Variants in PCDHA1 observed in about 807,000 individuals in gnomAD.
PCDHA1 encodes the protein protocadherin alpha 1, also known as protocadherin alpha-1.
PCDHA1 carries 42 observed loss-of-function variants against 61.3 expected under a neutral mutation model. The ratio of observed to expected loss-of-function variants is 0.69; its 90% confidence interval spans 0.54 to 0.89. The LOEUF (loss-of-function observed/expected upper bound fraction) is 0.89, where lower values mean the gene tolerates loss of function less well. Among genes scored for constraint, PCDHA1 ranks in the 40% least tolerant of loss-of-function variants. PCDHA1 has a pLI of 0.00. For synonymous variants in PCDHA1, 610 were observed against 553.8 expected (o/e 1.10, Z -1.43); for missense variants, 1,256 against 1,235.3 (o/e 1.02, Z -0.25).
rs151299460 is a variant in PCDHA1, at chr5:140,849,914, C to T, written c.2394+61230C>T. On this transcript the variant is annotated intron_variant, in intron 1 of 3. Coordinates refer to ENST00000504120, the MANE Select transcript of PCDHA1 (RefSeq NM_018900.4). ...AGGAGAACAACCCGCCGGGCTGCCA[C>T]ATCTTCACGGTGTCTGCGCGGGACG... is the stretch of plus-strand genomic sequence containing the variant. 4.8e-4 allele frequency: 771 copies of T among 1,598,354 alleles called. 44 individuals are homozygous for T. The African/African-American group carries it at 9.1e-3, about 19-fold the overall frequency.
chr5:140,941,199 C>CTT (rs879983584), intron 1 of PCDHA1, among the ~76,000 whole-genome samples: 22 of 115,972 alleles, frequency 1.9e-4, no homozygotes, highest in African/African-American at 6.6e-4. Context: ...TTTTTTCTTT[C>CTT]TTCCTTTCTT....
chr5:141,003,511 C>T (rs2098128112), intron 3 of PCDHA1, among the ~76,000 whole-genome samples: 2 of 152,114 alleles, frequency 1.3e-5, no homozygotes, highest in African/African-American at 4.8e-5. Flanking sequence ...TGGGGTTTCA[C>T]CATGTTCCCT....
intron 1 of PCDHA1, chr5:140,843,306 C>A: frequency 6.3e-7 from 1 of 1,596,008 alleles, no homozygotes; most frequent in Non-Finnish European, 8.6e-7. Flanking sequence ...CTGACCGCCA[C>A]GGCCACGGTT....
intron 1 of PCDHA1, chr5:140,829,262 C>T (rs1770191839): frequency 6.2e-7 from 1 of 1,614,142 alleles, no homozygotes; most frequent in Non-Finnish European, 8.5e-7. Context: ...CTCGCTGACG[C>T]CTCACGTCCC....
At chr5:140,973,398 C>G (rs2096585734) in intron 1 of PCDHA1, among the ~76,000 whole-genome samples, 1 of 152,230 alleles carries the variant, frequency 6.6e-6, no homozygotes, top group East Asian at 1.9e-4. Flanking sequence ...GAAATCATAT[C>G]TATGAGCTTC....
At chr5:140,876,042 AT>A in intron 1 of PCDHA1, 1 of 1,613,902 alleles carries the variant, frequency 6.2e-7, no homozygotes, top group Non-Finnish European at 8.5e-7. Flanking sequence ...ATAAAAGTAT[AT>A]TGCCTGAATT....
intron 1 of PCDHA1, chr5:140,850,352 C>A: frequency 6.3e-7 from 1 of 1,597,824 alleles, no homozygotes; most frequent in Non-Finnish European, 8.6e-7. Context: ...CCAGCGCGAG[C>A]ATCCCGTTCC....
At chr5:140,808,312 C>T (rs1330097082) in intron 1 of PCDHA1, 1 of 1,614,124 alleles carries the variant, frequency 6.2e-7, no homozygotes, top group East Asian at 2.2e-5. Flanking sequence ...TCAGCGTGTC[C>T]GACAAAGACA....
chr5:140,876,834 G>C (rs1481867678), intron 1 of PCDHA1: 2 of 1,614,042 alleles, frequency 1.2e-6, no homozygotes, highest in Non-Finnish European at 1.7e-6. Context: ...ATGCGCCTGC[G>C]TTCGCGCAGC....
At chr5:140,886,155 T>A (rs528104847) in intron 1 of PCDHA1, among the ~76,000 whole-genome samples, 1 of 152,330 alleles carries the variant, frequency 6.6e-6, no homozygotes, top group South Asian at 2.1e-4. Flanking sequence ...CACCTTTTTA[T>A]AGCCACATCT....
At chr5:140,966,356 C>G (rs1300973653) in intron 1 of PCDHA1, 2 of 400,342 alleles carry the variant, frequency 5.0e-6, no homozygotes, top group Non-Finnish European at 8.8e-6. Flanking sequence ...GGAGATGGGG[C>G]TGGAGAGGCT....
chr5:140,821,857 G>A, intron 1 of PCDHA1: 1 of 1,614,186 alleles, frequency 6.2e-7, no homozygotes, highest in South Asian at 1.1e-5. Context: ...GGCAGGGAGC[G>A]GCCAGCTCCA....
Position 140,882,398 on chromosome 5 carries a change from T to C in PCDHA1, c.2394+93714T>C, listed in dbSNP as rs782596260. The C allele has an allele frequency of 5.6e-6, 9 of 1,614,040 alleles. No individual in the cohort carries two copies. In the African/African-American group the frequency reaches 9.3e-5, roughly 17 times the overall value. On this transcript the variant is annotated intron_variant, in intron 1 of 3. Coordinates refer to ENST00000504120, the MANE Select transcript of PCDHA1 (RefSeq NM_018900.4). ...CCCCGAGGAAGCAAAACACGGCACCTTCGTGGGCCGCATCGCTCAGGACCT... is the reference window on the plus strand; with the variant it reads ...CCCCGAGGAAGCAAAACACGGCACCCTCGTGGGCCGCATCGCTCAGGACCT...
intron 1 of PCDHA1, chr5:140,823,708 C>T (rs1430700090): frequency 1.5e-5 from 25 of 1,613,828 alleles, no homozygotes; most frequent in Non-Finnish European, 2.0e-5. Flanking sequence ...ACCGCGCCAC[C>T]GCCTTCTGGT....
At chr5:140,966,631 G>A in intron 1 of PCDHA1, 1 of 995,532 alleles carries the variant, frequency 1.0e-6, no homozygotes, top group Non-Finnish European at 1.4e-6. Flanking sequence ...AGCGGCCCCA[G>A]GCGCTTTCTA....
At chr5:140,938,055 T>C (rs1475337267) in intron 1 of PCDHA1, among the ~76,000 whole-genome samples, 1 of 152,232 alleles carries the variant, frequency 6.6e-6, no homozygotes, top group African/African-American at 2.4e-5. Flanking sequence ...TTTCTACATA[T>C]ACTGTCATGC....
intron 1 of PCDHA1, chr5:140,852,075 A>G (rs2042230918): frequency 1.1e-6 from 1 of 900,346 alleles, no homozygotes; most frequent in Admixed American, 6.3e-5. Flanking sequence ...TCTTTCAGCT[A>G]TTTTATTTAA....
chr5:140,889,497 A>G (rs1024054854), intron 1 of PCDHA1, among the ~76,000 whole-genome samples: 1 of 152,188 alleles, frequency 6.6e-6, no homozygotes, highest in South Asian at 2.1e-4. Flanking sequence ...ATCTATAGTG[A>G]TATTTCCCTT....
intron 1 of PCDHA1, chr5:140,795,554 G>T: frequency 3.1e-6 from 5 of 1,614,160 alleles, no homozygotes; most frequent in Non-Finnish European, 4.2e-6. Context: ...CTCGTGCTGG[G>T]GAAATCGCTG....
Sources: gnomAD v4.1 joint callset for allele counts (sites outside exome capture counted in the v4.1 genomes callset) on GRCh38, gnomAD v4.1.1 for gene constraint, MANE v1.5 for transcripts, NCBI Gene and HGNC (gene_info 2026-07-23, HGNC 2026-07-21) for gene names.